PDCL3: variants seen among roughly 807,000 people sequenced by gnomAD.
PDCL3 encodes the protein phosducin-like protein 3.
A neutral mutation model predicts 26.5 loss-of-function variants in PDCL3; 22 were observed. The ratio of observed to expected loss-of-function variants is 0.83; its 90% CI spans 0.59 to 1.19. The LOEUF (loss-of-function observed/expected upper bound fraction) is 1.19. Ranked by LOEUF, PDCL3 falls within the 50% of genes most tolerant of loss-of-function variation. The probability of loss-of-function intolerance (pLI) is 0.00; values close to 1 mark genes in which losing one functional copy is unlikely to be tolerated. For missense variants in PDCL3, 246 were observed against 294.1 expected (o/e 0.84, Z 1.20); for synonymous variants, 81 against 104.9 (o/e 0.77, Z 1.39).
chr2:100,563,102 G>A (rs747663447), intron 1 of PDCL3, 29 bp downstream of exon 1: 2 of 1,595,574 alleles, frequency 1.3e-6, no homozygotes, highest in South Asian at 1.1e-5. Flanking sequence ...CGGGTCTGGG[G>A]GCTGCGGCCC....
At chr2:100,574,197 T>C (rs982204980) in intron 5 of PDCL3, among the ~76,000 whole-genome samples, 1 of 152,092 alleles carries the variant, frequency 6.6e-6, no homozygotes, top group Admixed American at 6.6e-5. Context: ...AGAGACGGTT[T>C]CACCGTGTTG....
rs372927600 is a variant in PDCL3, at chr2:100,565,847, A to G, written c.7-656A>G. 3.9e-5 allele frequency among the ~76,000 whole-genome samples: 6 copies of G among 152,308 alleles called. No homozygotes were observed. The South Asian group carries it at 8.3e-4, about 21-fold the overall frequency. ...TCACCACTCTTCCCCATTGCCTACAATAATTTACATGTGGTAGATACTTCA... is the reference window on the plus strand; with the variant it reads ...TCACCACTCTTCCCCATTGCCTACAGTAATTTACATGTGGTAGATACTTCA... On this transcript the variant is annotated intron_variant, in intron 1 of 5. Transcript: ENST00000264254.
In PDCL3 at chr2:100,576,510, A is replaced by G. The variant is rs1675290047; in HGVS notation, c.*14A>G. The G allele has an allele frequency of 1.3e-6, 2 of 1,558,492 alleles. No individual in the cohort carries two copies. Among genetic ancestry groups the G allele is most frequent in the Admixed American group, 1.9e-5 (1 of 53,330 alleles). On this transcript the variant is annotated 3_prime_UTR_variant, in exon 6 of 6. Coordinates refer to ENST00000264254, the MANE Select transcript of PDCL3 (RefSeq NM_024065.5). ...GAGGGTGACTGAGGCTACAGCTTCT[A>G]TCACATGCCGAACTTTCTTGTGACA... is the stretch of plus-strand genomic sequence containing the variant.
chr2:100,572,077 T>G, intron 5 of PDCL3: 1 of 383,738 alleles, frequency 2.6e-6, no homozygotes, highest in South Asian at 3.6e-5. Flanking sequence ...CAGTTGGATG[T>G]TTTTGTAGCT....
chr2:100,569,126 C>T lies in PDCL3; in HGVS notation c.224+105C>T, dbSNP rs538955952. ...AATGTGTGGGCTGAGCATGGTGACT[C>T]ATACCTGTAGTCCCAACACTTTGGG... On this transcript the variant is annotated intron_variant, in intron 3 of 5. Coordinates refer to ENST00000264254, the MANE Select transcript of PDCL3 (RefSeq NM_024065.5). The T allele has an allele frequency of 1.3e-4, 129 of 963,820 alleles. No individual in the cohort carries two copies. The East Asian group carries it at 3.0e-3, about 22-fold the overall frequency. The allele number at this position is 963,820 out of a possible 1,614,324, so 59.7% of individuals were successfully genotyped here. A position where few individuals can be genotyped will look rare whatever the true frequency, so the allele number is the denominator to read the frequency against.
chr2:100,563,357 T>G (rs1674992194), intron 1 of PDCL3: 3 of 411,592 alleles, frequency 7.3e-6, no homozygotes, highest in Non-Finnish European at 1.3e-5. Flanking sequence ...TGTGAAGGTC[T>G]TGCCGGATCC....
rs1163483384 is a variant in PDCL3 at position 100,571,770 on chromosome 2, G to A, written c.549G>A (p.Val183=). Residue 183 remains valine (V), a synonymous_variant, in exon 5 of 6, where the codon GTG becomes GTA. Transcript: ENST00000264254. ...DIKAQFIGPL[V]FGGMNLTRDE... The stretch of plus-strand genomic sequence containing the variant: ...AGGCTCAGTTTATTGGTCCTCTGGT[G>A]TTTGGCGGCATGAACCTGACAAGAG... 1.2e-6 allele frequency: 2 copies of A among 1,614,158 alleles called. No individual in the cohort carries two copies. The highest frequency in any genetic ancestry group is 1.7e-5 in the Admixed American group (1 of 60,024).
intron 2 of PDCL3, among the ~76,000 whole-genome samples, chr2:100,568,140 C>T (rs1391427228): frequency 6.6e-6 from 1 of 152,130 alleles, no homozygotes; most frequent in Non-Finnish European, 1.5e-5. Flanking sequence ...TTGGAGATCC[C>T]TATTAGACAA....
chr2:100,569,418 C>T (rs1311736838), intron 3 of PDCL3, among the ~76,000 whole-genome samples, 160 bp from the exon 4 acceptor site: 1 of 152,058 alleles, frequency 6.6e-6, no homozygotes, highest in African/African-American at 2.4e-5. Flanking sequence ...CATCTAGGAG[C>T]GACTGCAATT....
intron 4 of PDCL3, among the ~76,000 whole-genome samples, 160 bp from the exon 5 acceptor site, chr2:100,571,428 CAA>C (rs1050410365): frequency 8.5e-5 from 13 of 152,148 alleles, no homozygotes; most frequent in African/African-American, 3.1e-4. Flanking sequence ...TGGGTGAAAA[CAA>C]GACCCTATGT....
At chr2:100,575,310 T>C (rs1396139683) in intron 5 of PDCL3, among the ~76,000 whole-genome samples, 2 of 152,116 alleles carry the variant, frequency 1.3e-5, no homozygotes, top group African/African-American at 2.4e-5. Context: ...TAATTTTTTG[T>C]ATTTTTAGTA....
intron 5 of PDCL3, among the ~76,000 whole-genome samples, chr2:100,575,276 C>T (rs1675257993): frequency 6.6e-6 from 1 of 152,180 alleles, no homozygotes; most frequent in South Asian, 2.1e-4. Flanking sequence ...GCTGGGACTA[C>T]AGGCACCTGC....
intron 5 of PDCL3, among the ~76,000 whole-genome samples, chr2:100,575,993 C>T (rs1675278084): frequency 6.6e-6 from 1 of 151,842 alleles, no homozygotes; most frequent in Non-Finnish European, 1.5e-5. Flanking sequence ...CTCCTGGGCT[C>T]AAGCGATCCT....
rs1405068550 is a variant in PDCL3 at position 100,566,648 on chromosome 2, C to T, written c.133+19C>T. 2 of 1,613,178 alleles carry T rather than the reference C, an allele frequency of 1.2e-6. No individual in the cohort carries two copies. Among genetic ancestry groups the T allele is most frequent in the Non-Finnish European group, 8.5e-7 (1 of 1,179,492 alleles). On this transcript the variant is annotated intron_variant, in intron 2 of 5. Transcript: ENST00000264254. ...TCAGTGGGTGAGTTCACTCGCTTTCCTCTGCACCTGTCTGGGTTAGGAGAT... is the reference window on the plus strand; with the variant it reads ...TCAGTGGGTGAGTTCACTCGCTTTCTTCTGCACCTGTCTGGGTTAGGAGAT...
intron 5 of PDCL3, among the ~76,000 whole-genome samples, chr2:100,575,428 C>T (rs900960118): frequency 2.0e-5 from 3 of 152,228 alleles, no homozygotes; most frequent in South Asian, 2.1e-4. Flanking sequence ...TGCCACCGCG[C>T]CCGGCCTGGT....
Position 100,575,354 on chromosome 2 carries a change from C to G in PDCL3, c.578-1000C>G, listed in dbSNP as rs539009743. Among the ~76,000 whole-genome samples the G allele has an allele frequency of 3.8e-4, 58 of 152,278 alleles. No homozygotes were observed. In the South Asian group the frequency reaches 0.011, roughly 29 times the overall value. ...GTTTCACCGTGTTAGCCAGGATGGT[C>G]TCGATCTCCAGACTTCGTGATCCGC... is the stretch of plus-strand genomic sequence containing the variant. On this transcript the variant is annotated intron_variant, in intron 5 of 5. Transcript: ENST00000264254.
At chr2:100,576,025 G>T (rs1236358601) in intron 5 of PDCL3, among the ~76,000 whole-genome samples, 1 of 152,102 alleles carries the variant, frequency 6.6e-6, no homozygotes, top group African/African-American at 2.4e-5. Flanking sequence ...CTCCCAAACA[G>T]CTGGGATTAT....
At chr2:100,566,837 A>G (rs1255195619) in intron 2 of PDCL3, among the ~76,000 whole-genome samples, 1 of 152,214 alleles carries the variant, frequency 6.6e-6, no homozygotes, top group Non-Finnish European at 1.5e-5. Flanking sequence ...GTCCTTGTCC[A>G]TGTCACATGA....
chr2:100,571,755 T>A lies in PDCL3; in HGVS notation c.534T>A (p.Phe178Leu). The change falls in exon 5 of 6, where the codon TTT becomes TTA. Residue 178 changes from phenylalanine (F) to leucine (L), a missense_variant. Transcript: ENST00000264254. ...VYLEGDIKAQ[F>L]IGPLVFGGMN... ...TGGAAGGAGATATCAAGGCTCAGTT[T>A]ATTGGTCCTCTGGTGTTTGGCGGCA... 8 of 1,614,122 alleles carry A rather than the reference T, an allele frequency of 5.0e-6. No homozygotes were observed. The highest frequency in any genetic ancestry group is 6.8e-6 in the Non-Finnish European group (8 of 1,180,034).
Sources: allele counts gnomAD v4.1 joint callset (sites outside exome capture counted in the v4.1 genomes callset), GRCh38; gene constraint gnomAD v4.1.1; transcripts MANE v1.5; gene names NCBI Gene and HGNC (gene_info 2026-07-23, HGNC 2026-07-21).